Variants in EXOC4 observed in about 807,000 individuals in gnomAD.
The protein encoded by EXOC4 is exocyst complex component 4.
EXOC4 carries 71 observed loss-of-function variants against 107.2 expected under a neutral mutation model. That is an observed-to-expected ratio of 0.66 (90% confidence interval 0.55 to 0.81). EXOC4 has a LOEUF of 0.81. EXOC4 is among the 30% of genes least tolerant of loss of function. The pLI is 0.00. For missense variants in EXOC4, 1,108 were observed against 1,189.6 expected (o/e 0.93, Z 1.01); for synonymous variants, 456 against 441.2 (o/e 1.03, Z -0.42).
chr7:133,675,872 A>G (rs969537849), intron 10 of EXOC4, among the ~76,000 whole-genome samples: 1 of 152,172 alleles, frequency 6.6e-6, no homozygotes, highest in African/African-American at 2.4e-5. Context: ...GATTTTTAAT[A>G]CTAATTTATT....
intron 11 of EXOC4, among the ~76,000 whole-genome samples, chr7:133,864,099 C>T (rs899088741): frequency 2.0e-5 from 3 of 152,034 alleles, no homozygotes; most frequent in Non-Finnish European, 4.4e-5. Context: ...CATAAATAAC[C>T]GTGCTAAAAT....
At chr7:133,565,023 T>C (rs749337710) in intron 9 of EXOC4, among the ~76,000 whole-genome samples, 1 of 152,132 alleles carries the variant, frequency 6.6e-6, no homozygotes, top group African/African-American at 2.4e-5. Context: ...ATTTGGTGAA[T>C]AGTGGTGTTG....
At chr7:133,923,640 A>AT (rs1563058646) in intron 13 of EXOC4, among the ~76,000 whole-genome samples, 1 of 152,210 alleles carries the variant, frequency 6.6e-6, no homozygotes, top group Non-Finnish European at 1.5e-5. Flanking sequence ...AGTTCTTTGC[A>AT]TATCTGGATG....
intron 10 of EXOC4, among the ~76,000 whole-genome samples, chr7:133,764,138 C>G (rs189500321): frequency 6.6e-6 from 1 of 152,118 alleles, no homozygotes; most frequent in East Asian, 1.9e-4. Context: ...ACAGCTGATT[C>G]AGTTTCAATG....
intron 11 of EXOC4, among the ~76,000 whole-genome samples, chr7:133,871,426 A>G (rs1798749773): frequency 6.6e-6 from 1 of 152,050 alleles, no homozygotes; most frequent in Non-Finnish European, 1.5e-5. Context: ...GCCAGTCATG[A>G]GTGATTGTGA....
At position 133,937,979 on chromosome 7, in the gene EXOC4, G is replaced by T. The variant is rs752445545; in HGVS notation, c.2116G>T (p.Asp706Tyr). The T allele has an allele frequency of 3.1e-6, 5 of 1,614,020 alleles. No homozygotes were observed. In the Admixed American group the frequency reaches 5.0e-5, roughly 16 times the overall value. Residue 706 changes from aspartate to tyrosine, a missense_variant, in exon 14 of 18, where the codon GAC becomes TAC. Transcript: ENST00000253861. ...PPQDILRDVS[D>Y]LKALANMHES... ...ACAAGACATCCTTCGTGACGTCAGT[G>T]ACCTCAAAGCCTTGGCCAACATGCA...
rs3735047 is a variant in EXOC4 at position 134,065,211 on chromosome 7, G to A, written c.*683G>A. ...ATTGCCATTTTGTTTTATTTCTGCT[G>A]TATAAAAACCAAGAGCCAGACAATT... On this transcript the variant is annotated 3_prime_UTR_variant, in exon 18 of 18. Coordinates refer to ENST00000253861, the MANE Select transcript of EXOC4 (RefSeq NM_021807.4). 0.57 allele frequency: 86,543 copies of A among 152,168 alleles called. 24,977 individuals are homozygous for A. Among genetic ancestry groups the A allele is most frequent in the East Asian group, 0.72 (3,732 of 5,164 alleles). 9.4% of individuals were successfully genotyped at this position (152,168 alleles called of 1,614,324 possible). A position where few individuals can be genotyped will look rare whatever the true frequency, so the allele number is the denominator to read the frequency against.
rs115884359 is a variant in EXOC4 at position 133,834,725 on chromosome 7, T to G, written c.1734+17181T>G. Among the ~76,000 whole-genome samples, 366 of 152,266 alleles carry G rather than the reference T, an allele frequency of 2.4e-3. 5 individuals carry two copies. The highest frequency in any genetic ancestry group is 8.2e-3 in the African/African-American group (342 of 41,560). ...TGACAAGAAATTTGTAAACAGCAAG[T>G]GATAGAAGTGTTTTGATACATAGAA... On this transcript the variant is annotated intron_variant, in intron 11 of 17. Transcript: ENST00000253861.
At chr7:133,763,480 C>A (rs1422389623) in intron 10 of EXOC4, among the ~76,000 whole-genome samples, 1 of 152,058 alleles carries the variant, frequency 6.6e-6, no homozygotes, top group Non-Finnish European at 1.5e-5. Context: ...CATAAACTTA[C>A]CCTGATGTGA....
At chr7:133,965,505 A>G (rs1288508800) in intron 14 of EXOC4, among the ~76,000 whole-genome samples, 3 of 152,176 alleles carry the variant, frequency 2.0e-5, no homozygotes, top group Admixed American at 1.3e-4. Flanking sequence ...TAATTTTTGT[A>G]TAAGGTGTAA....
At chr7:133,392,002 T>G (rs897120704) in intron 7 of EXOC4, among the ~76,000 whole-genome samples, 1 of 152,180 alleles carries the variant, frequency 6.6e-6, no homozygotes, top group Non-Finnish European at 1.5e-5. Context: ...TCCGCAGTAG[T>G]ATAGGCAAGC....
intron 9 of EXOC4, among the ~76,000 whole-genome samples, chr7:133,485,117 A>T (rs991944943): frequency 1.3e-4 from 20 of 151,030 alleles, no homozygotes; most frequent in South Asian, 2.1e-4. Flanking sequence ...AAATAAATAA[A>T]TAATTAAATA....
At chr7:134,027,105 T>C (rs1041137986) in intron 17 of EXOC4, among the ~76,000 whole-genome samples, 2 of 152,228 alleles carry the variant, frequency 1.3e-5, no homozygotes, top group African/African-American at 2.4e-5. Flanking sequence ...AGAAAACTCC[T>C]TTAAAAATAT....
At chr7:133,380,395 T>C (rs2150699525) in intron 7 of EXOC4, among the ~76,000 whole-genome samples, 1 of 152,150 alleles carries the variant, frequency 6.6e-6, no homozygotes, top group African/African-American at 2.4e-5. Context: ...ATTTAAAGTA[T>C]AGATTTCAGT....
At chr7:133,617,873 C>G (rs543590910) in intron 9 of EXOC4, among the ~76,000 whole-genome samples, 2 of 152,208 alleles carry the variant, frequency 1.3e-5, no homozygotes, top group East Asian at 1.9e-4. Flanking sequence ...TGGTAGTGCC[C>G]TTAAGTGGAC....
chr7:133,906,268 GC>G (rs1239778219), intron 12 of EXOC4, among the ~76,000 whole-genome samples: 1 of 152,128 alleles, frequency 6.6e-6, no homozygotes, highest in Non-Finnish European at 1.5e-5. Flanking sequence ...CCTTGAGCTG[GC>G]CTTGGAGCTT....
chr7:134,096,154 G>A, the EXOC4 span, among the ~76,000 whole-genome samples: 1 of 152,042 alleles, frequency 6.6e-6, no homozygotes, highest in South Asian at 2.1e-4. Context: ...CTTCCCAAAA[G>A]GAGGCATACA....
chr7:134,014,802 AAAAAG>A (rs1203334891), intron 17 of EXOC4, among the ~76,000 whole-genome samples: 2 of 152,220 alleles, frequency 1.3e-5, no homozygotes, highest in Non-Finnish European at 2.9e-5. Context: ...AGTTTAAAAA[AAAAAG>A]AGGTTGAGTT....
intron 10 of EXOC4, among the ~76,000 whole-genome samples, chr7:133,792,649 T>TATA (rs56199863): frequency 0.99 from 149,657 of 151,646 alleles, 73,889 homozygotes; most frequent in Middle Eastern, 1. Flanking sequence ...AAATATGGAA[T>TATA]AAAAAACCTG....
Sources: gnomAD v4.1 joint callset for allele counts (sites outside exome capture counted in the v4.1 genomes callset) on GRCh38, gnomAD v4.1.1 for gene constraint, MANE v1.5 for transcripts, NCBI Gene and HGNC (gene_info 2026-07-23, HGNC 2026-07-21) for gene names.